The following SAMTOR variants were observed in gnomAD, a reference collection of about 807,000 sequenced individuals.
SAMTOR encodes the protein UPF0532 protein C7orf60.
the SAMTOR span, among the ~76,000 whole-genome samples, chr7:112,846,165 TGA>T: frequency 6.7e-6 from 1 of 150,170 alleles, no homozygotes; most frequent in East Asian, 2.0e-4. Flanking sequence ...TTTTTTTGCA[TGA>T]GAGAAACAAT....
At chr7:112,903,080 G>A in the SAMTOR span, among the ~76,000 whole-genome samples, 6 of 152,198 alleles carry the variant, frequency 3.9e-5, no homozygotes, top group African/African-American at 9.6e-5. Context: ...TTGGGAGGCC[G>A]AGGCAGGCAG....
chr7:112,864,995 C>T, the SAMTOR span, among the ~76,000 whole-genome samples: 1 of 152,132 alleles, frequency 6.6e-6, no homozygotes, highest in African/African-American at 2.4e-5. Flanking sequence ...CTCAAGTGAT[C>T]CGCTTGCCTT....
At chr7:112,819,778 T>C in the SAMTOR span, 1 of 152,576 alleles carries the variant, frequency 6.6e-6, no homozygotes, top group Non-Finnish European at 1.5e-5. Context: ...TCCAGGGTCA[T>C]ACTATACCAG....
At chr7:112,885,894 A>AATTAT in the SAMTOR span, among the ~76,000 whole-genome samples, 2 of 152,274 alleles carry the variant, frequency 1.3e-5, no homozygotes, top group African/African-American at 4.8e-5. Flanking sequence ...TTATCATACT[A>AATTAT]CTAATAAAGA....
chr7:112,895,422 CTAA>C, the SAMTOR span: 1 of 523,186 alleles, frequency 1.9e-6, no homozygotes, highest in East Asian at 3.1e-5. Context: ...AGTTTTTAAT[CTAA>C]TAATATTACC....
chr7:112,863,088 T>G, the SAMTOR span, among the ~76,000 whole-genome samples: 2 of 152,010 alleles, frequency 1.3e-5, no homozygotes. Context: ...AATACATATA[T>G]ATAGGCCAAT....
chr7:112,930,447 A>G, the SAMTOR span, among the ~76,000 whole-genome samples: 13,257 of 152,060 alleles, frequency 0.087, 870 homozygotes, highest in Non-Finnish European at 0.14. Context: ...ATGTGGGAAG[A>G]AAACACCACC....
At chr7:112,841,934 G>A in the SAMTOR span, among the ~76,000 whole-genome samples, 1 of 151,854 alleles carries the variant, frequency 6.6e-6, no homozygotes, top group African/African-American at 2.4e-5. Context: ...AACTCAAGAT[G>A]GATTAAAGAC....
At chr7:112,843,290 A>G in the SAMTOR span, among the ~76,000 whole-genome samples, 1 of 152,050 alleles carries the variant, frequency 6.6e-6, no homozygotes, top group Non-Finnish European at 1.5e-5. Flanking sequence ...TACTATTACA[A>G]GAAAAACAAA....
the SAMTOR span, among the ~76,000 whole-genome samples, chr7:112,938,802 G>A: frequency 1.3e-5 from 2 of 152,174 alleles, no homozygotes; most frequent in African/African-American, 4.8e-5. Flanking sequence ...AAGCCACTAA[G>A]GCTTCTTCCC....
the SAMTOR span, among the ~76,000 whole-genome samples, chr7:112,885,292 A>G: frequency 6.6e-6 from 1 of 152,124 alleles, no homozygotes; most frequent in Non-Finnish European, 1.5e-5. Flanking sequence ...TGTCTTGGTG[A>G]TTCACATTTG....
At chr7:112,853,553 A>T in the SAMTOR span, among the ~76,000 whole-genome samples, 1 of 152,134 alleles carries the variant, frequency 6.6e-6, no homozygotes, top group Non-Finnish European at 1.5e-5. Flanking sequence ...ACATGTTAAG[A>T]AAGAGCTGTA....
chr7:112,835,598 G>A, the SAMTOR span, among the ~76,000 whole-genome samples: 1 of 152,022 alleles, frequency 6.6e-6, no homozygotes, highest in African/African-American at 2.4e-5. Flanking sequence ...AATAAAGATA[G>A]TTCCCAATAG....
chr7:112,920,138 C>T, the SAMTOR span, among the ~76,000 whole-genome samples: 2 of 152,256 alleles, frequency 1.3e-5, no homozygotes, highest in Admixed American at 1.3e-4. Flanking sequence ...CTGGCAGAGA[C>T]ACAACCAAAA....
the SAMTOR span, among the ~76,000 whole-genome samples, chr7:112,857,839 C>G: frequency 6.6e-6 from 1 of 152,192 alleles, no homozygotes; most frequent in Non-Finnish European, 1.5e-5. Flanking sequence ...TACCCTGAAC[C>G]TGTAAGTGCA....
chr7:112,895,465 T>C, the SAMTOR span: 1 of 741,166 alleles, frequency 1.3e-6, no homozygotes, highest in Non-Finnish European at 2.0e-6. Context: ...ATCATGTAAC[T>C]ACTGGAGGAG....
At chr7:112,839,530 A>T in the SAMTOR span, among the ~76,000 whole-genome samples, 1 of 151,840 alleles carries the variant, frequency 6.6e-6, no homozygotes, top group Non-Finnish European at 1.5e-5. Flanking sequence ...TCAAAAGATC[A>T]AACATCACTG....
At chr7:112,923,036 A>C in the SAMTOR span, among the ~76,000 whole-genome samples, 1 of 152,204 alleles carries the variant, frequency 6.6e-6, no homozygotes, top group Admixed American at 6.5e-5. Flanking sequence ...GGAATAGAAA[A>C]GGGGGAAAGG....
the SAMTOR span, among the ~76,000 whole-genome samples, chr7:112,846,179 C>G: frequency 8.2e-6 from 1 of 121,534 alleles, no homozygotes; most frequent in Admixed American, 8.5e-5. Flanking sequence ...AGAAACAATT[C>G]TTTTACATTA....
Sources: gnomAD v4.1 joint callset for allele counts (sites outside exome capture counted in the v4.1 genomes callset) on GRCh38, gnomAD v4.1.1 for gene constraint, MANE v1.5 for transcripts, NCBI Gene and HGNC (gene_info 2026-07-23, HGNC 2026-07-21) for gene names.